PTPRN2: variants seen among roughly 807,000 people sequenced by gnomAD.
PTPRN2 encodes the protein protein tyrosine phosphatase receptor type N2, also known as receptor-type tyrosine-protein phosphatase N2.
Under a neutral mutation model 118.8 loss-of-function variants are expected in PTPRN2, and 74 were observed. The observed-to-expected ratio is 0.62, with a 90% CI of 0.52 to 0.76. PTPRN2 has a LOEUF of 0.76. PTPRN2 is among the 30% of genes least tolerant of loss of function. The pLI is 0.00. For synonymous variants in PTPRN2, 641 were observed against 608.0 expected (o/e 1.05, Z -0.80); for missense variants, 1,481 against 1,394.4 (o/e 1.06, Z -0.99).
chr7:157,674,732 A>G lies in PTPRN2; in HGVS notation c.2001+7993T>C, dbSNP rs1309773902. 6.6e-6 allele frequency among the ~76,000 whole-genome samples: 1 copy of G among 152,228 alleles called. No homozygotes were observed. The highest frequency in any genetic ancestry group is 2.4e-5 in the African/African-American group (1 of 41,468). ...TCGGCCCCAAGGTGAGGCCCCGCGC[A>G]GGTACCTCTGTACACGCCTGTGGAG... On this transcript the variant is annotated intron_variant, in intron 13 of 22. Transcript: ENST00000389418. This position sits in a 1 kb window ranked among gnomAD's most constrained non-coding sequence, Gnocchi z 4.5.
At chr7:158,150,782 A>G (rs961453933) in intron 6 of PTPRN2, among the ~76,000 whole-genome samples, 1 of 151,556 alleles carries the variant, frequency 6.6e-6, no homozygotes, top group Non-Finnish European at 1.5e-5. Flanking sequence ...CAGCACCGCG[A>G]CCCAGCACTC....
At chr7:157,875,014 GAC>G (rs772135547) in intron 12 of PTPRN2, among the ~76,000 whole-genome samples, 29 of 94,230 alleles carry the variant, frequency 3.1e-4, no homozygotes, top group African/African-American at 5.0e-4. Context: ...CATGCACACA[GAC>G]ACACAGACAC....
At chr7:157,993,722 C>A (rs548341298) in intron 11 of PTPRN2, among the ~76,000 whole-genome samples, 1 of 152,330 alleles carries the variant, frequency 6.6e-6, no homozygotes, top group African/African-American at 2.4e-5. Context: ...GGGTCCAGGA[C>A]AGCAGGAAGA....
At chr7:158,452,555 C>G (rs900249095) in intron 2 of PTPRN2, among the ~76,000 whole-genome samples, 1 of 152,136 alleles carries the variant, frequency 6.6e-6, no homozygotes, top group African/African-American at 2.4e-5. Context: ...CTCCTGCCAC[C>G]CCACCGATTT....
Position 157,651,341 on chromosome 7 carries a change from C to T in PTPRN2, c.2196+5016G>A, listed in dbSNP as rs933188750. ...TGCCTCAGGACTCTCCAAGGATGAG[C>T]GAACTCAAAGATCACTGTCCATATC... On this transcript the variant is annotated intron_variant, in intron 14 of 22. Transcript: ENST00000389418. Among the ~76,000 whole-genome samples the T allele has an allele frequency of 3.9e-5, 6 of 152,152 alleles. No individual in the cohort carries two copies. In the East Asian group the frequency reaches 7.7e-4, roughly 20 times the overall value.
chr7:158,005,420 A>G (rs796472073), intron 11 of PTPRN2, among the ~76,000 whole-genome samples: 6 of 152,264 alleles, frequency 3.9e-5, no homozygotes, highest in African/African-American at 1.4e-4. Flanking sequence ...GAATATGGAA[A>G]GGTTACTATT....
At chr7:158,245,142 A>C (rs1319588326) in intron 3 of PTPRN2, among the ~76,000 whole-genome samples, 1 of 152,124 alleles carries the variant, frequency 6.6e-6, no homozygotes, top group African/African-American at 2.4e-5. Context: ...ATCCGTGGTC[A>C]TGCCAGAATC....
chr7:158,196,513 G>A (rs1234017462), intron 4 of PTPRN2, among the ~76,000 whole-genome samples: 1 of 152,196 alleles, frequency 6.6e-6, no homozygotes, highest in Non-Finnish European at 1.5e-5. Context: ...GAGGGCTCCT[G>A]AGGCCTCTGT....
intron 12 of PTPRN2, among the ~76,000 whole-genome samples, chr7:157,838,272 G>A (rs113238927): frequency 4.9e-5 from 7 of 141,748 alleles, no homozygotes; most frequent in East Asian, 2.1e-4. Flanking sequence ...CCTCTCCGCC[G>A]TACCTATTCC....
At chr7:158,132,617 T>A (rs1563482993) in intron 9 of PTPRN2, among the ~76,000 whole-genome samples, 1 of 149,840 alleles carries the variant, frequency 6.7e-6, no homozygotes, top group African/African-American at 2.5e-5. Context: ...CTACCCAACA[T>A]ACACACTCAT....
In PTPRN2 at chr7:157,763,077, C is replaced by A. The variant is rs576919289; in HGVS notation, c.1789-80140G>T. On this transcript the variant is annotated intron_variant, in intron 12 of 22. Coordinates refer to ENST00000389418, the MANE Select transcript of PTPRN2 (RefSeq NM_002847.5). This position sits in a 1 kb window ranked among gnomAD's most constrained non-coding sequence, Gnocchi z 4.9. ...CTCCATCAGAGCCCACGGCCGCCCACTCATGGTCACAGAGCTAACCATCAG... is the reference window on the plus strand; with the variant it reads ...CTCCATCAGAGCCCACGGCCGCCCAATCATGGTCACAGAGCTAACCATCAG... Among the ~76,000 whole-genome samples the A allele has an allele frequency of 1.3e-5, 2 of 151,954 alleles. No individual in the cohort carries two copies. Among genetic ancestry groups the A allele is most frequent in the East Asian group, 3.9e-4 (2 of 5,156 alleles).
At position 158,416,558 on chromosome 7, in the gene PTPRN2, G is replaced by T. The variant is rs538473691; in HGVS notation, c.163+73177C>A. 9.8e-5 allele frequency among the ~76,000 whole-genome samples: 15 copies of T among 152,308 alleles called. No individual in the cohort carries two copies. In the South Asian group the frequency reaches 3.1e-3, roughly 32 times the overall value. On this transcript the variant is annotated intron_variant, in intron 2 of 22. Transcript: ENST00000389418. ...CTGTGTGGCCACATCATCTCCCAGG[G>T]AGAAACCAAACAACATTTCGCAGAA...
At chr7:157,691,067 T>TGCCCCC (rs1491213762) in intron 12 of PTPRN2, among the ~76,000 whole-genome samples, 2 of 44,488 alleles carry the variant, frequency 4.5e-5, no homozygotes, top group Non-Finnish European at 9.7e-5. Flanking sequence ...TATAGCGATG[T>TGCCCCC]CCCCCCCCCC....
chr7:158,431,199 CACACTGGGCCCACACTGGCTT>C (rs1816142512), intron 2 of PTPRN2, among the ~76,000 whole-genome samples: 1 of 152,166 alleles, frequency 6.6e-6, no homozygotes, highest in Non-Finnish European at 1.5e-5. Context: ...ACAGCGGGCT[CACACTGGGCCCACACTGGCTT>C]ACACTGGGTA....
chr7:157,884,711 A>G (rs1796356194), intron 12 of PTPRN2, among the ~76,000 whole-genome samples: 1 of 152,224 alleles, frequency 6.6e-6, no homozygotes. Flanking sequence ...ACTGCCCTTT[A>G]TAAACCATCA....
At chr7:158,410,549 AAACTAC>A (rs1813962735) in intron 2 of PTPRN2, among the ~76,000 whole-genome samples, 1 of 152,204 alleles carries the variant, frequency 6.6e-6, no homozygotes, top group Non-Finnish European at 1.5e-5. Flanking sequence ...AGTCTGTCTC[AAACTAC>A]AGGCTTTGAG....
chr7:157,682,981 AT>A, intron 12 of PTPRN2, 44 bp from the exon 13 acceptor site: 1 of 1,486,958 alleles, frequency 6.7e-7, no homozygotes, highest in Non-Finnish European at 9.3e-7. Flanking sequence ...CTGACAAAGC[AT>A]GACCTCCTAA....
intron 12 of PTPRN2, among the ~76,000 whole-genome samples, chr7:157,732,442 C>T (rs368167848): frequency 3.2e-5 from 1 of 31,048 alleles, no homozygotes; most frequent in Non-Finnish European, 5.9e-5. Context: ...GCACAGTTAC[C>T]CTTTTCCGCC....
At chr7:158,527,305 C>G (rs1824860186) in intron 1 of PTPRN2, among the ~76,000 whole-genome samples, 1 of 152,202 alleles carries the variant, frequency 6.6e-6, no homozygotes, top group South Asian at 2.1e-4. Context: ...GCCATGCCCC[C>G]CGCCACCGGA....
Sources: gnomAD v4.1 joint callset for allele counts (sites outside exome capture counted in the v4.1 genomes callset) on GRCh38, gnomAD v4.1.1 for gene constraint, Gnocchi (gnomAD v3.1) non-coding constraint, MANE v1.5 for transcripts, NCBI Gene and HGNC (gene_info 2026-07-23, HGNC 2026-07-21) for gene names.